The following ASS1 variants were observed in gnomAD, a reference collection of about 807,000 sequenced individuals.
The protein encoded by ASS1 is argininosuccinate synthase.
Under a neutral mutation model 60.5 loss-of-function variants are expected in ASS1, and 58 were observed. The ratio of observed to expected loss-of-function variants is 0.96; its 90% CI spans 0.78 to 1.19. The LOEUF (loss-of-function observed/expected upper bound fraction) is 1.19, where lower values mean the gene tolerates loss of function less well. ASS1 is among the 50% of genes most tolerant of loss of function. ASS1 has a pLI of 0.00. For synonymous variants in ASS1, 200 were observed against 206.9 expected (o/e 0.97, Z 0.29); for missense variants, 454 against 547.3 (o/e 0.83, Z 1.70).
intron 1 of ASS1, among the ~76,000 whole-genome samples, chr9:130,449,279 G>C (rs1845270871): frequency 6.6e-6 from 1 of 150,770 alleles, no homozygotes; most frequent in African/African-American, 2.4e-5. Flanking sequence ...AGAGGTGGAG[G>C]CTGTGGTGAG....
At chr9:130,473,784 A>T (rs991367594) in intron 8 of ASS1, among the ~76,000 whole-genome samples, 6 of 152,192 alleles carry the variant, frequency 3.9e-5, no homozygotes, top group Non-Finnish European at 7.4e-5. Flanking sequence ...TTGAAGGGCA[A>T]TGAGGCAGCT....
chr9:130,485,804 T>A (rs62579976), intron 11 of ASS1, among the ~76,000 whole-genome samples: 15,527 of 152,228 alleles, frequency 0.1, 881 homozygotes, highest in Non-Finnish European at 0.11. Flanking sequence ...TTGCTTTATT[T>A]CTGGTAATAA....
chr9:130,496,649 T>C lies in ASS1; in HGVS notation c.1127+1626T>C, dbSNP rs186746272. The stretch of plus-strand genomic sequence containing the variant: ...ACAACTGGAACCATGAGATTTCTCA[T>C]TGATGGACCAGGCAGAAGGTGGCCA... On this transcript the variant is annotated intron_variant, in intron 13 of 14. Transcript: ENST00000352480. Among the ~76,000 whole-genome samples, 379 of 149,592 alleles carry C rather than the reference T, an allele frequency of 2.5e-3. 1 individual carries two copies. Among genetic ancestry groups the C allele is most frequent in the Middle Eastern group, 3.6e-3 (1 of 276 alleles).
At chr9:130,461,416 G>A (rs982735473) in intron 4 of ASS1, among the ~76,000 whole-genome samples, 37 of 152,292 alleles carry the variant, frequency 2.4e-4, no homozygotes, top group African/African-American at 6.7e-4. Flanking sequence ...CGGCACCACC[G>A]GGGTCCTCTG....
intron 9 of ASS1, among the ~76,000 whole-genome samples, chr9:130,479,484 TG>T (rs1846109701): frequency 1.3e-5 from 2 of 151,738 alleles, no homozygotes; most frequent in African/African-American, 2.4e-5. Context: ...AATGGGAGGG[TG>T]GGGGAGAGCG....
intron 11 of ASS1, among the ~76,000 whole-genome samples, chr9:130,484,312 C>A (rs1846248572): frequency 6.6e-6 from 1 of 152,188 alleles, no homozygotes; most frequent in South Asian, 2.1e-4. Flanking sequence ...GCTCATTCTG[C>A]CTAACCTGGC....
rs1376803993 is a variant in ASS1, at chr9:130,489,233, A to G, written c.839-100A>G. The G allele has an allele frequency of 1.4e-6, 2 of 1,452,556 alleles. No homozygotes were observed. Among genetic ancestry groups the G allele is most frequent in the Non-Finnish European group, 1.9e-6 (2 of 1,058,306 alleles). The allele number at this position is 1,452,556 out of a possible 1,614,324, so 90.0% of individuals were successfully genotyped here. On this transcript the variant is annotated intron_variant, in intron 11 of 14. Coordinates refer to ENST00000352480, the MANE Select transcript of ASS1 (RefSeq NM_054012.4). This position sits in a 1 kb window ranked among gnomAD's most constrained non-coding sequence, Gnocchi z 4.1. ...CGGCTTGTCTCCTGTCAGACGACTC[A>G]TTATTATTATTATTTTTTTTTTTGT... is the stretch of plus-strand genomic sequence containing the variant.
rs2131869276 is a variant in ASS1, at chr9:130,454,314, G to C, written c.115G>C (p.Gly39Arg). 1 of 1,611,818 alleles carries C rather than the reference G, an allele frequency of 6.2e-7. No homozygotes were observed. Reference protein sequence around the residue: ...YDVIAYLANIGQKEDFEEARK... With the variant: ...YDVIAYLANIRQKEDFEEARK... ...CGCTTCTGCTTCTCAGGCCAACATT[G>C]GCCAGAAGGAAGACTTCGAGGAAGC... The change falls in exon 3 of 15, where the codon GGC (glycine) becomes CGC (arginine). Residue 39 changes from glycine to arginine, a missense_variant. Transcript: ENST00000352480.
In ASS1 at chr9:130,480,447, G is replaced by A. The variant is rs371265106; in HGVS notation, c.836G>A (p.Arg279Gln). 7.4e-6 allele frequency: 12 copies of A among 1,613,898 alleles called. No homozygotes were observed. The Admixed American group carries it at 1.2e-4, about 16-fold the overall frequency. The change falls in exon 11 of 15, where the codon CGA (arginine) becomes CAA (glutamine). Residue 279 changes from arginine to glutamine, a missense_variant and splice_region_variant. Coordinates refer to ENST00000352480, the MANE Select transcript of ASS1 (RefSeq NM_054012.4). ...AACCGCTTCATTGGAATGAAGTCCC[G>A]AGGTGAGTCTGCTCAGCCTCCCTCA... ...VENRFIGMKS[R>Q]GIYETPAGTI...
rs1451645068 is a variant in ASS1, at chr9:130,494,423, C to G, written c.971-444C>G. On this transcript the variant is annotated intron_variant, in intron 12 of 14. Coordinates refer to ENST00000352480, the MANE Select transcript of ASS1 (RefSeq NM_054012.4). This position sits in a 1 kb window ranked among gnomAD's most constrained non-coding sequence, Gnocchi z 4.3. ...CTGAACCACCACCCAGCTGCCTGCA[C>G]TGGACACCCATATCACCAAGCCCCA... Among the ~76,000 whole-genome samples, 2 of 152,252 alleles carry G rather than the reference C, an allele frequency of 1.3e-5. No homozygotes were observed. Among genetic ancestry groups the G allele is most frequent in the African/African-American group, 4.8e-5 (2 of 41,464 alleles).
intron 4 of ASS1, among the ~76,000 whole-genome samples, chr9:130,462,741 TGTGGCCGCCCCCACCTCA>T (rs994741858): frequency 1.2e-4 from 18 of 152,238 alleles, no homozygotes; most frequent in Admixed American, 3.9e-4. Context: ...AGCAGGCAAA[TGTGGCCGCCCCCACCTCA>T]GTGTCCTCAT....
rs563752475 is a variant in ASS1 at position 130,494,195 on chromosome 9, T to C, written c.971-672T>C. ...CTTATCTATGCAGAAATATTCTATC[T>C]GCCCAGGAAAACAGCAGCAGGTGCA... On this transcript the variant is annotated intron_variant, in intron 12 of 14. Coordinates refer to ENST00000352480, the MANE Select transcript of ASS1 (RefSeq NM_054012.4). The surrounding 1 kb of genome is among the most constrained non-coding windows in gnomAD (Gnocchi z 4.3). 6.6e-6 allele frequency among the ~76,000 whole-genome samples: 1 copy of C among 152,330 alleles called. No individual in the cohort carries two copies. Among genetic ancestry groups the C allele is most frequent in the Admixed American group, 6.5e-5 (1 of 15,310 alleles).
chr9:130,484,045 G>C (rs1846238953), intron 11 of ASS1, among the ~76,000 whole-genome samples: 1 of 152,086 alleles, frequency 6.6e-6, no homozygotes, highest in Non-Finnish European at 1.5e-5. Flanking sequence ...CCCAGGATGG[G>C]GCCCGCCAGG....
intron 4 of ASS1, 92 bp from the exon 5 acceptor site, chr9:130,464,019 T>G: frequency 1.4e-6 from 2 of 1,404,250 alleles, no homozygotes; most frequent in Non-Finnish European, 2.0e-6. Context: ...CAGCTCTGTC[T>G]CCGCCACGGG....
intron 3 of ASS1, among the ~76,000 whole-genome samples, chr9:130,457,878 G>T (rs996068365): frequency 6.6e-6 from 1 of 152,198 alleles, no homozygotes; most frequent in Non-Finnish European, 1.5e-5. Context: ...TGATTAGCAG[G>T]CTGGCCGCGG....
Position 130,494,428 on chromosome 9 carries a change from C to T in ASS1, c.971-439C>T, listed in dbSNP as rs1846529582. ...CCACCACCCAGCTGCCTGCACTGGA[C>T]ACCCATATCACCAAGCCCCAGGCAG... is the stretch of plus-strand genomic sequence containing the variant. On this transcript the variant is annotated intron_variant, in intron 12 of 14. Coordinates refer to ENST00000352480, the MANE Select transcript of ASS1 (RefSeq NM_054012.4). The surrounding 1 kb of genome is among the most constrained non-coding windows in gnomAD (Gnocchi z 4.3). Among the ~76,000 whole-genome samples, 1 of 152,246 alleles carries T rather than the reference C, an allele frequency of 6.6e-6. No individual in the cohort carries two copies. Among genetic ancestry groups the T allele is most frequent in the Non-Finnish European group, 1.5e-5 (1 of 68,048 alleles).
rs1236957061 is a variant in ASS1, at chr9:130,478,300, G to C, written c.688+1339G>C. Among the ~76,000 whole-genome samples the C allele has an allele frequency of 6.6e-6, 1 of 152,174 alleles. No homozygotes were observed. Among genetic ancestry groups the C allele is most frequent in the Admixed American group, 6.5e-5 (1 of 15,286 alleles). On this transcript the variant is annotated intron_variant, in intron 9 of 14. Coordinates refer to ENST00000352480, the MANE Select transcript of ASS1 (RefSeq NM_054012.4). The surrounding 1 kb of genome is among the most constrained non-coding windows in gnomAD (Gnocchi z 4.7). Reference sequence around the variant, plus strand: ...TAGGATCATCTCTGAGAAGATGGTGGGAGTGGCCCCAGCAGCACCTCCTGG... The same window carrying C: ...TAGGATCATCTCTGAGAAGATGGTGCGAGTGGCCCCAGCAGCACCTCCTGG...
chr9:130,493,947 A>G (rs1384341303), intron 12 of ASS1, among the ~76,000 whole-genome samples: 1 of 152,188 alleles, frequency 6.6e-6, no homozygotes, highest in Non-Finnish European at 1.5e-5. Flanking sequence ...CCATAGAGAA[A>G]GCTCCAAGTT....
At chr9:130,448,461 C>T (rs1479373687) in intron 1 of ASS1, among the ~76,000 whole-genome samples, 4 of 151,982 alleles carry the variant, frequency 2.6e-5, no homozygotes, top group South Asian at 2.1e-4. Flanking sequence ...CAGGTACACA[C>T]GCCAGGTCCA....
Sources: gnomAD v4.1 joint callset for allele counts (sites outside exome capture counted in the v4.1 genomes callset) on GRCh38, gnomAD v4.1.1 for gene constraint, Gnocchi (gnomAD v3.1) non-coding constraint, MANE v1.5 for transcripts, NCBI Gene and HGNC (gene_info 2026-07-23, HGNC 2026-07-21) for gene names.